HERC6: variants seen among roughly 807,000 people sequenced by gnomAD.
HERC6 encodes the protein probable E3 ubiquitin-protein ligase HERC6.
Under a neutral mutation model 114.5 loss-of-function variants are expected in HERC6, and 101 were observed. The ratio of observed to expected loss-of-function variants is 0.88; its 90% CI spans 0.75 to 1.04. The LOEUF is 1.04. Ranked by LOEUF, HERC6 falls within the 50% of genes least tolerant of loss-of-function variation. The pLI is 0.00. For missense variants in HERC6, 1,133 were observed against 1,230.9 expected, an observed-to-expected ratio of 0.92 and a Z score of 1.19; for synonymous variants, 408 against 436.2, an observed-to-expected ratio of 0.94 and a Z score of 0.81.
At chr4:88,412,373 A>C (rs1312910893) in intron 11 of HERC6, among the ~76,000 whole-genome samples, 1 of 152,290 alleles carries the variant, frequency 6.6e-6, no homozygotes, top group Non-Finnish European at 1.5e-5. Flanking sequence ...TGGGAGGCCA[A>C]GGTGGGAGTA....
chr4:88,421,080 T>C (rs1736999666), intron 13 of HERC6, among the ~76,000 whole-genome samples: 1 of 152,230 alleles, frequency 6.6e-6, no homozygotes, highest in African/African-American at 2.4e-5. Context: ...CTTAGCATAA[T>C]GTTTTCAAGG....
Position 88,379,085 on chromosome 4 carries a change from TG to T in HERC6, c.167del (p.Gly56AlafsTer20). ...TGCGGAGACAACAGCAGGGGTCAGCTGGGCCGCAGGGGCGCGCAGCGCGGGG... is the reference window on the plus strand; with the variant it reads ...TGCGGAGACAACAGCAGGGGTCAGCTGGCCGCAGGGGCGCGCAGCGCGGGG... Reference protein sequence around the residue: ...LSCGDNSRGQLGRRGAQRGEL... With the variant: ...LSCGDNSRGQXGRRGAQRGEL... On this transcript the variant is annotated frameshift_variant, in exon 1 of 23. Coordinates refer to ENST00000264346, the MANE Select transcript of HERC6 (RefSeq NM_017912.4). LOFTEE classifies it high-confidence loss of function. The T allele has an allele frequency of 3.9e-6, 6 of 1,548,260 alleles. No homozygotes were observed. Among genetic ancestry groups the T allele is most frequent in the Non-Finnish European group, 5.2e-6 (6 of 1,147,820 alleles).
chr4:88,380,834 T>G (rs972321276), intron 1 of HERC6, among the ~76,000 whole-genome samples: 1 of 151,906 alleles, frequency 6.6e-6, no homozygotes, highest in Non-Finnish European at 1.5e-5. Flanking sequence ...CAAAGATAAC[T>G]CCTAACATTT....
intron 19 of HERC6, 70 bp downstream of exon 19, chr4:88,437,041 T>C: frequency 1.7e-6 from 2 of 1,173,486 alleles, no homozygotes; most frequent in Non-Finnish European, 2.4e-6. Context: ...TTTATTATAG[T>C]ATCTTAAATT....
Position 88,396,919 on chromosome 4 carries a change from C to G in HERC6, c.956C>G (p.Thr319Arg), listed in dbSNP as rs1735262393. Residue 319 changes from threonine to arginine, a missense_variant, in exon 7 of 23, where the codon ACA (threonine) becomes AGA (arginine). Thr to Arg is a moderately conservative substitution (Grantham distance 71, BLOSUM62 -1). Coordinates refer to ENST00000264346, the MANE Select transcript of HERC6 (RefSeq NM_017912.4). The stretch of plus-strand genomic sequence containing the variant: ...TCTTTTGGTCATGGACCAAGTGACA[C>G]AAGCAAGCCAACTCATCCGGAGGCC... ...VVSFGHGPSDTSKPTHPEALT... is the reference protein window; with the variant it reads ...VVSFGHGPSDRSKPTHPEALT... 1 of 1,611,396 alleles carries G rather than the reference C, an allele frequency of 6.2e-7. No homozygotes were observed. The highest frequency in any genetic ancestry group is 1.7e-5 in the Admixed American group (1 of 59,814).
At chr4:88,386,768 C>T (rs1485335206) in intron 3 of HERC6, among the ~76,000 whole-genome samples, 1 of 152,176 alleles carries the variant, frequency 6.6e-6, no homozygotes, top group African/African-American at 2.4e-5. Flanking sequence ...ACTCTTCTCT[C>T]CCTGGTACAG....
intron 3 of HERC6, among the ~76,000 whole-genome samples, chr4:88,386,215 T>A (rs1419495882): frequency 1.3e-5 from 2 of 150,584 alleles, no homozygotes; most frequent in African/African-American, 2.4e-5. Flanking sequence ...TTTTTTTTTT[T>A]TCTTTTTTGA....
At chr4:88,383,503 A>C in intron 2 of HERC6, 123 bp downstream of exon 2, 1 of 719,262 alleles carries the variant, frequency 1.4e-6, no homozygotes, top group Non-Finnish European at 2.0e-6. Flanking sequence ...TCATGTCTGT[A>C]ATCCCAACAC....
chr4:88,442,728 C>T lies in HERC6; in HGVS notation c.*268C>T. The T allele has an allele frequency of 2.0e-6, 1 of 489,158 alleles. No homozygotes were observed. Among genetic ancestry groups the T allele is most frequent in the Non-Finnish European group, 3.7e-6 (1 of 268,840 alleles). 30.3% of individuals were successfully genotyped at this position (489,158 alleles called of 1,614,324 possible). On this transcript the variant is annotated 3_prime_UTR_variant, in exon 23 of 23. Coordinates refer to ENST00000264346, the MANE Select transcript of HERC6 (RefSeq NM_017912.4). The stretch of plus-strand genomic sequence containing the variant: ...GTCTGAACACTGGCCTGTGATTGGT[C>T]CATTCCAGGACCTTCATTTGCATAA...
intron 17 of HERC6, among the ~76,000 whole-genome samples, chr4:88,431,685 A>G (rs1196876013): frequency 1.3e-5 from 2 of 152,204 alleles, no homozygotes; most frequent in Non-Finnish European, 2.9e-5. Flanking sequence ...ATTTTGAGAC[A>G]CTGAGGTGGG....
chr4:88,420,119 G>A (rs1030395403), intron 13 of HERC6, among the ~76,000 whole-genome samples: 9 of 151,650 alleles, frequency 5.9e-5, no homozygotes, highest in Middle Eastern at 3.4e-3. Context: ...ACTAACTTTC[G>A]TTTTCTTTCT....
intron 5 of HERC6, among the ~76,000 whole-genome samples, chr4:88,394,976 G>A (rs577178970): frequency 6.6e-6 from 1 of 152,196 alleles, no homozygotes; most frequent in South Asian, 2.1e-4. Flanking sequence ...TTCTTGCTTG[G>A]CATAGGTATG....
chr4:88,395,333 C>T (rs1046676836), intron 5 of HERC6, among the ~76,000 whole-genome samples: 1 of 152,120 alleles, frequency 6.6e-6, no homozygotes, highest in Non-Finnish European at 1.5e-5. Flanking sequence ...CAACCTCATA[C>T]TTAAATGTTG....
intron 14 of HERC6, 63 bp from the exon 15 acceptor site, chr4:88,424,532 A>G (rs1737401232): frequency 1.6e-6 from 2 of 1,232,752 alleles, no homozygotes; most frequent in African/African-American, 3.1e-5. Context: ...GATAAGGTAA[A>G]GGAAGTAAGT....
At chr4:88,385,950 C>G (rs1035662225) in intron 3 of HERC6, among the ~76,000 whole-genome samples, 2 of 152,078 alleles carry the variant, frequency 1.3e-5, no homozygotes, top group Non-Finnish European at 2.9e-5. Context: ...AATCATGACT[C>G]TATATTTTTT....
At chr4:88,427,122 G>T (rs1560566575) in intron 15 of HERC6, among the ~76,000 whole-genome samples, 1 of 152,202 alleles carries the variant, frequency 6.6e-6, no homozygotes, top group Non-Finnish European at 1.5e-5. Context: ...TAGTTGTTAT[G>T]AGTGAAGCTG....
intron 20 of HERC6, among the ~76,000 whole-genome samples, chr4:88,438,932 T>C: frequency 6.6e-6 from 1 of 152,214 alleles, no homozygotes; most frequent in Non-Finnish European, 1.5e-5. Context: ...CAATCATGTC[T>C]CTGATGGAAA....
chr4:88,426,422 C>T (rs537659987), intron 15 of HERC6, among the ~76,000 whole-genome samples: 12 of 151,952 alleles, frequency 7.9e-5, no homozygotes, highest in Non-Finnish European at 1.2e-4. Flanking sequence ...CCTGCCTTGG[C>T]CTCCCAAAGT....
chr4:88,380,351 TAA>T (rs1334683254), intron 1 of HERC6, among the ~76,000 whole-genome samples: 2 of 42,300 alleles, frequency 4.7e-5, no homozygotes, highest in Non-Finnish European at 7.5e-5. Context: ...ATATATAATA[TAA>T]ATATATATAT....
Sources: allele counts gnomAD v4.1 joint callset (sites outside exome capture counted in the v4.1 genomes callset), GRCh38; gene constraint gnomAD v4.1.1; transcripts MANE v1.5; gene names NCBI Gene and HGNC (gene_info 2026-07-23, HGNC 2026-07-21).